The following CUL1 variants were observed in gnomAD, a reference collection of about 807,000 sequenced individuals.
CUL1 encodes the protein cullin 1.
Under a neutral mutation model 118.0 loss-of-function variants are expected in CUL1, and 24 were observed. That is an observed-to-expected ratio of 0.20 (90% confidence interval 0.15 to 0.29). The LOEUF (loss-of-function observed/expected upper bound fraction) is 0.29. CUL1 is among the 10% of genes least tolerant of loss of function. The probability of loss-of-function intolerance (pLI) is 1.00; values close to 1 mark genes in which losing one functional copy is unlikely to be tolerated. For missense variants in CUL1, 361 were observed against 933.8 expected, an observed-to-expected ratio of 0.39 and a Z score of 7.99; for synonymous variants, 332 against 340.4, an observed-to-expected ratio of 0.98 and a Z score of 0.27.
Position 148,769,397 on chromosome 7 carries a change from TCACACACACACA to T in CUL1, c.1083+1689_1083+1700del, listed in dbSNP as rs55858322. On this transcript the variant is annotated intron_variant, in intron 9 of 21. Transcript: ENST00000325222. ...TAAATGTTCCTTTAAAGGGCCTGAT[TCACACACACACA>T]CACACACACACACACACACACACAC... Among the ~76,000 whole-genome samples, 1,085 of 129,106 alleles carry T rather than the reference TCACACACACACA, an allele frequency of 8.4e-3. 10 individuals are homozygous for T. The highest frequency in any genetic ancestry group is 0.019 in the African/African-American group (634 of 33,876). 84.7% of individuals were successfully genotyped at this position (129,106 alleles called of 152,430 possible). A position where few individuals can be genotyped will look rare whatever the true frequency, so the allele number is the denominator to read the frequency against.
intron 17 of CUL1, among the ~76,000 whole-genome samples, chr7:148,797,060 G>A (rs561304732): frequency 6.5e-4 from 99 of 152,198 alleles, no homozygotes; most frequent in African/African-American, 2.4e-3. Flanking sequence ...TGAGGCTGAA[G>A]GAGGGCTGGG....
chr7:148,783,602 CAA>C, intron 9 of CUL1, 179 bp from the exon 10 acceptor site: 2 of 1,515,418 alleles, frequency 1.3e-6, no homozygotes, highest in Non-Finnish European at 1.8e-6. Flanking sequence ...TATATATAAA[CAA>C]AATGTCCTAT....
At position 148,783,919 on chromosome 7, in the gene CUL1, G is replaced by C. The variant is rs760834331; in HGVS notation, c.1191+29G>C. On this transcript the variant is annotated intron_variant, in intron 10 of 21. Coordinates refer to ENST00000325222, the MANE Select transcript of CUL1 (RefSeq NM_003592.3). ...GGTGCGTGAGGGTTGTGACTTGCCT[G>C]TAGTATGTATGGATGGGGCGTTTGT... 1.9e-6 allele frequency: 3 copies of C among 1,613,318 alleles called. No individual in the cohort carries two copies. In the South Asian group the frequency reaches 3.3e-5, roughly 18 times the overall value.
At chr7:148,783,422 G>T (rs1800714110) in intron 9 of CUL1, 1 of 985,368 alleles carries the variant, frequency 1.0e-6, no homozygotes, top group South Asian at 4.7e-5. Flanking sequence ...GCCTTCTCCA[G>T]CTGAAACAGA....
Position 148,756,967 on chromosome 7 carries a change from GTTAAC to G in CUL1, c.316-13_316-9del. 4 of 1,557,144 alleles carry G rather than the reference GTTAAC, an allele frequency of 2.6e-6. No individual in the cohort carries two copies. The highest frequency in any genetic ancestry group is 3.5e-6 in the Non-Finnish European group (4 of 1,149,416). On this transcript the variant is annotated splice_polypyrimidine_tract_variant and intron_variant, in intron 3 of 21. Coordinates refer to ENST00000325222, the MANE Select transcript of CUL1 (RefSeq NM_003592.3). ...ACAAATTAGTCATCTTAAAGCTTTA[GTTAAC>G]TTGTTTTTAGGATGGAGAAGATTTG...
At chr7:148,752,355 C>T (rs1403302016) in intron 2 of CUL1, among the ~76,000 whole-genome samples, 1 of 151,834 alleles carries the variant, frequency 6.6e-6, no homozygotes, top group Non-Finnish European at 1.5e-5. Context: ...GCAGTAAGAT[C>T]TATCAAAACT....
chr7:148,725,552 C>A (rs1260903936), intron 1 of CUL1, among the ~76,000 whole-genome samples: 5 of 152,174 alleles, frequency 3.3e-5, no homozygotes, highest in Non-Finnish European at 7.3e-5. Context: ...CTTTTCTCTG[C>A]CCCGTCTGCT....
In CUL1 at chr7:148,730,914, C is replaced by T. The variant is rs543005843; in HGVS notation, c.140+652C>T. On this transcript the variant is annotated intron_variant, in intron 2 of 21. Transcript: ENST00000325222. ...GCAGCCTCAACTACCTGCACTCAAG[C>T]AATCCTCCCATCTCAGCCTCCCAAG... is the stretch of plus-strand genomic sequence containing the variant. Among the ~76,000 whole-genome samples the T allele has an allele frequency of 5.3e-5, 8 of 152,278 alleles. No individual in the cohort carries two copies. The South Asian group carries it at 1.2e-3, about 24-fold the overall frequency.
chr7:148,771,432 C>G (rs1266496794), intron 9 of CUL1, among the ~76,000 whole-genome samples: 1 of 152,182 alleles, frequency 6.6e-6, no homozygotes, highest in Non-Finnish European at 1.5e-5. Flanking sequence ...GGAAAACTGG[C>G]TGAAGGGGAA....
chr7:148,769,674 T>C lies in CUL1; in HGVS notation c.1083+1925T>C, dbSNP rs570539045. On this transcript the variant is annotated intron_variant, in intron 9 of 21. Coordinates refer to ENST00000325222, the MANE Select transcript of CUL1 (RefSeq NM_003592.3). Reference sequence around the variant, plus strand: ...TTTGCTTTTTTCATTTAAATTGCTATATACTAGGTATGAGATTGGCCTTAG... The same window carrying C: ...TTTGCTTTTTTCATTTAAATTGCTACATACTAGGTATGAGATTGGCCTTAG... Among the ~76,000 whole-genome samples, 7 of 152,356 alleles carry C rather than the reference T, an allele frequency of 4.6e-5. No individual in the cohort carries two copies. The South Asian group carries it at 1.4e-3, about 32-fold the overall frequency.
At chr7:148,700,192 C>G (rs1236481718) in intron 1 of CUL1, among the ~76,000 whole-genome samples, 2 of 152,204 alleles carry the variant, frequency 1.3e-5, no homozygotes, top group Admixed American at 6.5e-5. Context: ...TGTAATTGCT[C>G]TTTCCTGTAG....
chr7:148,735,330 T>C (rs1463936661), intron 2 of CUL1, among the ~76,000 whole-genome samples: 1 of 152,264 alleles, frequency 6.6e-6, no homozygotes. Flanking sequence ...TGGTCCCTGC[T>C]GCAGCTCTGC....
At chr7:148,799,227 G>A (rs372052172) in intron 20 of CUL1, 48 bp from the exon 21 acceptor site, 11 of 1,433,290 alleles carry the variant, frequency 7.7e-6, no homozygotes, top group African/African-American at 5.6e-5. Context: ...TCAATACAAC[G>A]TTGTTACAGC....
At chr7:148,753,948 A>T in intron 2 of CUL1, 28 bp from the exon 3 acceptor site, 1 of 1,536,900 alleles carries the variant, frequency 6.5e-7, no homozygotes, top group Non-Finnish European at 8.8e-7. Context: ...TCTGTGATAT[A>T]TGTTGGTTTC....
At chr7:148,749,716 A>G (rs1799425206) in intron 2 of CUL1, among the ~76,000 whole-genome samples, 1 of 152,192 alleles carries the variant, frequency 6.6e-6, no homozygotes, top group Admixed American at 6.5e-5. Context: ...ATGGCTTCAG[A>G]GTGTTCAAGT....
chr7:148,782,497 G>A (rs1295559080), intron 9 of CUL1, among the ~76,000 whole-genome samples: 1 of 152,164 alleles, frequency 6.6e-6, no homozygotes, highest in African/African-American at 2.4e-5. Context: ...AATATTAAGT[G>A]ATTTTTATTT....
At chr7:148,764,711 G>A (rs570058640) in intron 7 of CUL1, among the ~76,000 whole-genome samples, 3 of 152,330 alleles carry the variant, frequency 2.0e-5, no homozygotes, top group East Asian at 3.9e-4. Flanking sequence ...ATCAGTCTTA[G>A]TGGAACATTA....
At chr7:148,780,920 C>G (rs909857695) in intron 9 of CUL1, among the ~76,000 whole-genome samples, 2 of 152,146 alleles carry the variant, frequency 1.3e-5, no homozygotes, top group Non-Finnish European at 2.9e-5. Context: ...CTCCTGAATG[C>G]TAAATCTACT....
chr7:148,779,923 G>A (rs953032055), intron 9 of CUL1, among the ~76,000 whole-genome samples: 1 of 152,178 alleles, frequency 6.6e-6, no homozygotes, highest in African/African-American at 2.4e-5. Context: ...GCAGAAAAAC[G>A]TGAAAAGGCG....
Sources: gnomAD v4.1 joint callset for allele counts (sites outside exome capture counted in the v4.1 genomes callset) on GRCh38, gnomAD v4.1.1 for gene constraint, MANE v1.5 for transcripts, NCBI Gene and HGNC (gene_info 2026-07-23, HGNC 2026-07-21) for gene names.